PKD1: variants seen among roughly 807,000 people sequenced by gnomAD.
PKD1 encodes the protein polycystin-1.
A neutral mutation model predicts 361.7 loss-of-function variants in PKD1; 81 were observed. That is an observed-to-expected ratio of 0.22 (90% confidence interval 0.19 to 0.27). The LOEUF (loss-of-function observed/expected upper bound fraction) is 0.27. Ranked by LOEUF, PKD1 falls within the 10% of genes least tolerant of loss-of-function variation. The pLI, the probability that PKD1 is intolerant of heterozygous loss-of-function variation, is 1.00. For synonymous variants in PKD1, 3,615 were observed against 2,818.3 expected, an observed-to-expected ratio of 1.28 and a Z score of -8.95; for missense variants, 6,399 against 6,118.3, an observed-to-expected ratio of 1.05 and a Z score of -1.53.
In PKD1 at chr16:2,093,996, G is replaced by C; in HGVS notation, c.10636C>G (p.Arg3546Gly). The stretch of plus-strand genomic sequence containing the variant: ...CACCAGGCCGGCAGCAGGCGCTTCC[G>C]CAGACCCTCCACCAGTCCTGGGGAA... Reference protein sequence around the residue: ...LSRTGLVEGLRKRLLPAWCAS... With the variant: ...LSRTGLVEGLGKRLLPAWCAS... Residue 3546 changes from arginine (R) to glycine (G), a missense_variant, in exon 36 of 46, where the codon CGG becomes GGG. Coordinates refer to ENST00000262304, the MANE Select transcript of PKD1 (RefSeq NM_001009944.3). The C allele has an allele frequency of 6.3e-7, 1 of 1,587,924 alleles. No individual in the cohort carries two copies. The highest frequency in any genetic ancestry group is 8.6e-7 in the Non-Finnish European group (1 of 1,169,358).
At chr16:2,094,953 T>G (rs1283741730) in intron 34 of PKD1, 1 of 152,202 alleles carries the variant, frequency 6.6e-6, no homozygotes, top group African/African-American at 2.4e-5. Flanking sequence ...CACTGAATGC[T>G]TCCTGTTTTG....
rs539216647 is a variant in PKD1, at chr16:2,098,213, T to C, written c.10051-229A>G. The C allele has an allele frequency of 5.1e-6, 3 of 591,152 alleles. No individual in the cohort carries two copies. In the African/African-American group the frequency reaches 5.6e-5, roughly 11 times the overall value. 36.6% of individuals were successfully genotyped at this position (591,152 alleles called of 1,614,324 possible). On this transcript the variant is annotated intron_variant, in intron 30 of 45. Coordinates refer to ENST00000262304, the MANE Select transcript of PKD1 (RefSeq NM_001009944.3). ...GCAGCTAAGGAACAGAGTTTTAAAT[T>C]TCATATTTTCTTTTTTAGATGGAGT...
intron 22 of PKD1, 113 bp downstream of exon 22, chr16:2,104,385 G>A (rs2092249175): frequency 8.2e-6 from 5 of 613,124 alleles, no homozygotes; most frequent in Non-Finnish European, 1.4e-5. Context: ...TTGGGGGGAG[G>A]GGAGGGGGAC....
Position 2,112,349 on chromosome 16 carries a change from C to G in PKD1, c.3286G>C (p.Ala1096Pro). The change falls in exon 14 of 46, where the codon GCT becomes CCT. Residue 1096 changes from alanine (A) to proline (P), a missense_variant. Coordinates refer to ENST00000262304, the MANE Select transcript of PKD1 (RefSeq NM_001009944.3). ...LVEHNVMHTYAAPGEYLLTVL... is the reference protein window; with the variant it reads ...LVEHNVMHTYPAPGEYLLTVL... ...CCCCCTCATCCCTCACCTGGGGCAG[C>G]GTAGGTGTGCATGACATTGTGCTCC... 1 of 1,587,300 alleles carries G rather than the reference C, an allele frequency of 6.3e-7. No homozygotes were observed. The highest frequency in any genetic ancestry group is 2.2e-5 in the East Asian group (1 of 44,850).
intron 30 of PKD1, chr16:2,099,240 G>A: frequency 2.8e-6 from 1 of 355,130 alleles, no homozygotes; most frequent in East Asian, 7.3e-5. Context: ...GGGATTACAG[G>A]CGTGAGCCAC....
Position 2,107,414 on chromosome 16 carries a change from G to A in PKD1, c.7066-466C>T, listed in dbSNP as rs1382825518. Reference sequence around the variant, plus strand: ...GGGAAGACCCCCAATCAGGCCAGCTGAGGAAAGCAGGGACTGGGGAACAGA... The same window carrying A: ...GGGAAGACCCCCAATCAGGCCAGCTAAGGAAAGCAGGGACTGGGGAACAGA... On this transcript the variant is annotated intron_variant, in intron 16 of 45. Coordinates refer to ENST00000262304, the MANE Select transcript of PKD1 (RefSeq NM_001009944.3). 7 of 360,882 alleles carry A rather than the reference G, an allele frequency of 1.9e-5. No homozygotes were observed. In the East Asian group the frequency reaches 4.2e-4, roughly 22 times the overall value. 22.4% of individuals were successfully genotyped at this position (360,882 alleles called of 1,614,324 possible). A position where few individuals can be genotyped will look rare whatever the true frequency, so the allele number is the denominator to read the frequency against.
chr16:2,109,347 G>T lies in PKD1; in HGVS notation c.5820C>A (p.Phe1940Leu), dbSNP rs1220524467. The change falls in exon 15 of 46, where the codon TTC becomes TTA. Residue 1940 changes from phenylalanine to leucine, a missense_variant. By Grantham distance (22) the Phe-to-Leu change is conservative (BLOSUM62 0). Coordinates refer to ENST00000262304, the MANE Select transcript of PKD1 (RefSeq NM_001009944.3). ...TCACCACGTGGTCTCCGACGCGGGG[G>T]AAGCTGTGGGAGAAACGGGGCCCGG... is the stretch of plus-strand genomic sequence containing the variant. ...VLPGPRFSHS[F>L]PRVGDHVVSV... 3.8e-6 allele frequency: 6 copies of T among 1,591,604 alleles called. No homozygotes were observed. Among genetic ancestry groups the T allele is most frequent in the African/African-American group, 1.3e-5 (1 of 74,824 alleles).
At chr16:2,133,242 G>T (rs1339035556) in intron 1 of PKD1, 1 of 149,482 alleles carries the variant, frequency 6.7e-6, no homozygotes, top group Non-Finnish European at 1.5e-5. Flanking sequence ...ACGTTTTGCA[G>T]TACGCCATCT....
rs56371853 is a variant in PKD1 at position 2,118,532 on chromosome 16, C to T, written c.530-70G>A. 17,305 of 1,353,416 alleles carry T rather than the reference C, an allele frequency of 0.013. 159 individuals are homozygous for T. Among genetic ancestry groups the T allele is most frequent in the Non-Finnish European group, 0.015 (15,060 of 981,440 alleles). The allele number at this position is 1,353,416 out of a possible 1,614,324, so 83.8% of individuals were successfully genotyped here. A position where few individuals can be genotyped will look rare whatever the true frequency, so the allele number is the denominator to read the frequency against. ...TCCACCCCACGCCCCCACATCCGCC[C>T]GCCGCACTCACAGGCTCCCATGCTG... On this transcript the variant is annotated intron_variant, in intron 4 of 45. Transcript: ENST00000262304. This position sits in a 1 kb window ranked among gnomAD's most constrained non-coding sequence, Gnocchi z 6.0.
At position 2,093,639 on chromosome 16, in the gene PKD1, C is replaced by A; in HGVS notation, c.10921G>T (p.Ala3641Ser). Reference sequence around the variant, plus strand: ...GGTGGCCGTACGCGGGGCACACGTGCGCTCACAGGCGTCACAGCCGGGCTC... The same window carrying A: ...GGTGGCCGTACGCGGGGCACACGTGAGCTCACAGGCGTCACAGCCGGGCTC... Reference protein sequence around the residue: ...VESPAVTPVSARVPRVRPPHG... With the variant: ...VESPAVTPVSSRVPRVRPPHG... Residue 3641 changes from alanine (A) to serine (S), a missense_variant, in exon 37 of 46, where the codon GCA becomes TCA. Transcript: ENST00000262304. The A allele has an allele frequency of 1.9e-6, 3 of 1,609,220 alleles. No individual in the cohort carries two copies. Among genetic ancestry groups the A allele is most frequent in the Non-Finnish European group, 2.5e-6 (3 of 1,178,238 alleles).
intron 42 of PKD1, 41 bp from the exon 43 acceptor site, chr16:2,091,215 G>C (rs777008229): frequency 9.4e-6 from 11 of 1,165,790 alleles, no homozygotes; most frequent in African/African-American, 3.3e-5. Flanking sequence ...GGACGCTGCC[G>C]GGGCGGGGCC....
rs780736161 is a variant in PKD1 at position 2,116,133 on chromosome 16, G to A, written c.1723-15C>T. 9.0e-6 allele frequency: 14 copies of A among 1,557,568 alleles called. No homozygotes were observed. In the Admixed American group the frequency reaches 2.0e-4, roughly 22 times the overall value. ...AATACCATGACCTGGTGGGCAGGGGGCCGCCTCAGCTCCACAGACCCCATC... is the reference window on the plus strand; with the variant it reads ...AATACCATGACCTGGTGGGCAGGGGACCGCCTCAGCTCCACAGACCCCATC... On this transcript the variant is annotated splice_polypyrimidine_tract_variant and intron_variant, in intron 8 of 45. Coordinates refer to ENST00000262304, the MANE Select transcript of PKD1 (RefSeq NM_001009944.3).
In PKD1 at chr16:2,091,912, G is replaced by A. The variant is rs367775096; in HGVS notation, c.11412-6C>T. The A allele has an allele frequency of 2.9e-4, 466 of 1,611,582 alleles. 3 individuals carry two copies. Among genetic ancestry groups the A allele is most frequent in the South Asian group, 2.7e-3 (245 of 91,058 alleles). ...AGGAGCCCCAGGACCATGCCCTGCC[G>A]GAGAGGGGTGGCGTGGGTGCCGCAC... On this transcript the variant is annotated splice_polypyrimidine_tract_variant and splice_region_variant and intron_variant, in intron 40 of 45. Coordinates refer to ENST00000262304, the MANE Select transcript of PKD1 (RefSeq NM_001009944.3).
rs545428973 is a variant in PKD1 at position 2,118,152 on chromosome 16, G to T, written c.840C>A (p.Pro280=). Residue 280 remains proline, a synonymous_variant, in exon 5 of 46, where the codon CCC becomes CCA. Transcript: ENST00000262304. The surrounding 1 kb of genome is among the most constrained non-coding windows in gnomAD (Gnocchi z 6.0). ...GCTGGCCAGAGGCCAGAGGTCCGTGGGGCCCCACCAGGGTGGCCCCTGGGG... is the reference window on the plus strand; with the variant it reads ...GCTGGCCAGAGGCCAGAGGTCCGTGTGGCCCCACCAGGGTGGCCCCTGGGG... ...PASPGATLVG[P]HGPLASGQLA... 1 of 1,585,090 alleles carries T rather than the reference G, an allele frequency of 6.3e-7. No homozygotes were observed.
intron 15 of PKD1, 110 bp from the exon 16 acceptor site, chr16:2,108,142 G>A (rs1204704585): frequency 5.5e-6 from 8 of 1,464,750 alleles, no homozygotes; most frequent in Non-Finnish European, 7.6e-6. Context: ...CTGGGACGGG[G>A]CCCACCAGGC....
intron 1 of PKD1, among the ~76,000 whole-genome samples, chr16:2,129,274 C>T (rs1482397057): frequency 5.3e-5 from 8 of 151,300 alleles, no homozygotes; most frequent in African/African-American, 9.7e-5. Context: ...ATCCTCCCCC[C>T]TCAGCCTCCC....
chr16:2,121,845 C>A (rs1391610828), intron 1 of PKD1, among the ~76,000 whole-genome samples: 16 of 152,224 alleles, frequency 1.1e-4, no homozygotes, highest in Admixed American at 9.8e-4. Flanking sequence ...CAGGTGTCAC[C>A]CTCCCCACGA....
rs922833551 is a variant in PKD1 at position 2,089,773 on chromosome 16, C to G, written c.12866G>C (p.Arg4289Thr). 2 of 1,597,068 alleles carry G rather than the reference C, an allele frequency of 1.3e-6. No individual in the cohort carries two copies. The highest frequency in any genetic ancestry group is 2.3e-5 in the East Asian group (1 of 44,302). The change falls in exon 46 of 46, where the codon AGG (arginine) becomes ACG (threonine). Residue 4289 changes from arginine (R) to threonine (T), a missense_variant. Arg to Thr is a moderately conservative substitution (Grantham distance 71). Coordinates refer to ENST00000262304, the MANE Select transcript of PKD1 (RefSeq NM_001009944.3). ...CTTGTTCTTGGCCCGAAGGGGTGTCCTGCTGGGGCCAGTGGCCAGGTCCAC... is the reference window on the plus strand; with the variant it reads ...CTTGTTCTTGGCCCGAAGGGGTGTCGTGCTGGGGCCAGTGGCCAGGTCCAC... Reference protein sequence around the residue: ...RGVDLATGPSRTPLRAKNKVH... With the variant: ...RGVDLATGPSTTPLRAKNKVH...
chr16:2,116,763 C>T, intron 7 of PKD1, 70 bp downstream of exon 7: 1 of 1,090,894 alleles, frequency 9.2e-7, no homozygotes, highest in Non-Finnish European at 1.3e-6. Flanking sequence ...AGCCCAGGCT[C>T]CACCGCGGGC....
Sources: gnomAD v4.1 joint callset for allele counts (sites outside exome capture counted in the v4.1 genomes callset) on GRCh38, gnomAD v4.1.1 for gene constraint, Gnocchi (gnomAD v3.1) non-coding constraint, MANE v1.5 for transcripts, NCBI Gene and HGNC (gene_info 2026-07-23, HGNC 2026-07-21) for gene names.